COL2A1: variants seen among roughly 807,000 people sequenced by gnomAD.
COL2A1 encodes the protein collagen alpha-1(II) chain.
Under a neutral mutation model 204.5 loss-of-function variants are expected in COL2A1, and 28 were observed. The ratio of observed to expected loss-of-function variants is 0.14; its 90% CI spans 0.10 to 0.19. COL2A1 has a LOEUF of 0.19. COL2A1 is among the 10% of genes least tolerant of loss of function. COL2A1 has a pLI of 1.00. For synonymous variants in COL2A1, 708 were observed against 718.7 expected, an observed-to-expected ratio of 0.99 and a Z score of 0.24; for missense variants, 1,388 against 2,027.5, an observed-to-expected ratio of 0.68 and a Z score of 6.06.
chr12:48,004,156 A>G (rs1453636844), intron 1 of COL2A1, 81 bp downstream of exon 1: 2 of 1,120,354 alleles, frequency 1.8e-6, no homozygotes, highest in Admixed American at 2.0e-5. Context: ...CGCGGGCTCC[A>G]GAGCTGGAGC....
chr12:47,989,789 T>C lies in COL2A1; in HGVS notation c.1040A>G (p.Asp347Gly). The C allele has an allele frequency of 6.2e-7, 1 of 1,613,420 alleles. No individual in the cohort carries two copies. Among genetic ancestry groups the C allele is most frequent in the Non-Finnish European group, 8.5e-7 (1 of 1,179,970 alleles). Residue 347 changes from aspartate (D) to glycine (G), a missense_variant, in exon 17 of 54, where the codon GAT becomes GGT. This residue lies in a region of COL2A1 where 884 missense variants were observed against 1,415.8 expected (regional missense o/e 0.62). Coordinates refer to ENST00000380518, the MANE Select transcript of COL2A1 (RefSeq NM_001844.5). Reference sequence around the variant, plus strand: ...AGGCCCTGCGGGGCCTGGCTGACCATCGTTGCCTCGGGCACCCTGTGAGCA... The same window carrying C: ...AGGCCCTGCGGGGCCTGGCTGACCACCGTTGCCTCGGGCACCCTGTGAGCA... ...PAGAAGARGN[D>G]GQPGPAGPPG...
rs182269647 is a variant in COL2A1, at chr12:47,995,635, G to C, written c.708+75C>G. The C allele has an allele frequency of 5.7e-5, 80 of 1,412,262 alleles. No homozygotes were observed. The Admixed American group carries it at 8.0e-4, about 14-fold the overall frequency. 87.5% of individuals were successfully genotyped at this position (1,412,262 alleles called of 1,614,324 possible). On this transcript the variant is annotated intron_variant, in intron 10 of 53. Coordinates refer to ENST00000380518, the MANE Select transcript of COL2A1 (RefSeq NM_001844.5). ...AAAGAGCTGGGCAGAGCCTGGGAGGGACAGCAGCTGCGGTCCTAGTGGTCT... is the reference window on the plus strand; with the variant it reads ...AAAGAGCTGGGCAGAGCCTGGGAGGCACAGCAGCTGCGGTCCTAGTGGTCT...
rs925663714 is a variant in COL2A1 at position 47,977,089 on chromosome 12, C to T, written c.3327+13G>A. On this transcript the variant is annotated intron_variant, in intron 47 of 53. Transcript: ENST00000380518. ...CCTGGTGGGGACTCAGTGCAGGACA[C>T]TTGGATACTCACCTGGATTCCCCGG... 1 of 1,602,144 alleles carries T rather than the reference C, an allele frequency of 6.2e-7. No individual in the cohort carries two copies. The highest frequency in any genetic ancestry group is 8.5e-7 in the Non-Finnish European group (1 of 1,175,278).
In COL2A1 at chr12:47,978,521, C is replaced by A; in HGVS notation, c.2895+76G>T. On this transcript the variant is annotated intron_variant, in intron 42 of 53. Transcript: ENST00000380518. This position sits in a 1 kb window ranked among gnomAD's most constrained non-coding sequence, Gnocchi z 5.5. The stretch of plus-strand genomic sequence containing the variant: ...CCCACGGCCCCTGCTCCCTCCTACC[C>A]CATGCTCTGTGAGCTCAGAAGCCAC... The A allele has an allele frequency of 6.3e-7, 1 of 1,597,414 alleles. No homozygotes were observed. The highest frequency in any genetic ancestry group is 2.3e-5 in the East Asian group (1 of 44,200).
intron 1 of COL2A1, among the ~76,000 whole-genome samples, chr12:48,002,100 C>T (rs1187501926): frequency 2.0e-5 from 3 of 152,088 alleles, no homozygotes; most frequent in Admixed American, 6.5e-5. Context: ...GCACACAGAG[C>T]CCGATTCACA....
intron 11 of COL2A1, 52 bp from the exon 12 acceptor site, chr12:47,994,529 G>A: frequency 6.2e-7 from 1 of 1,601,052 alleles, no homozygotes; most frequent in Non-Finnish European, 8.5e-7. Flanking sequence ...CAGTAGCATA[G>A]TGGGGGCACC....
rs1292156036 is a variant in COL2A1, at chr12:47,999,970, G to A, written c.241C>T (p.Pro81Ser). 1.2e-6 allele frequency: 2 copies of A among 1,614,206 alleles called. No individual in the cohort carries two copies. Among genetic ancestry groups the A allele is most frequent in the Admixed American group, 1.7e-5 (1 of 60,022 alleles). ...DVKDCLSPEIPFGECCPICPT... is the reference protein window; with the variant it reads ...DVKDCLSPEISFGECCPICPT... The stretch of plus-strand genomic sequence containing the variant: ...CAGATGGGGCAGCACTCTCCGAAGG[G>A]GATCTCAGGGCTGAGGCAGTCTTTC... Residue 81 changes from proline (P) to serine (S), a missense_variant, in exon 2 of 54, where the codon CCC becomes TCC. Coordinates refer to ENST00000380518, the MANE Select transcript of COL2A1 (RefSeq NM_001844.5).
intron 16 of COL2A1, among the ~76,000 whole-genome samples, chr12:47,991,510 G>A (rs1289893309): frequency 6.6e-6 from 1 of 152,212 alleles, no homozygotes; most frequent in Non-Finnish European, 1.5e-5. Context: ...ATACCACAGA[G>A]CAGAGGCCTC....
intron 30 of COL2A1, 89 bp downstream of exon 30, chr12:47,983,594 T>G (rs1296340169): frequency 9.5e-6 from 14 of 1,477,126 alleles, no homozygotes; most frequent in Non-Finnish European, 1.3e-5. Flanking sequence ...GCAAGAGGTG[T>G]GGGCCCTCCA....
chr12:47,997,821 G>A (rs770966281), intron 6 of COL2A1, 50 bp downstream of exon 6: 2 of 1,612,708 alleles, frequency 1.2e-6, no homozygotes, highest in African/African-American at 2.7e-5. Flanking sequence ...GTGGGGCCTT[G>A]GGGGACCTGG....
At chr12:47,977,918 C>G (rs749864741) in intron 44 of COL2A1, 92 bp downstream of exon 44, 23 of 1,248,386 alleles carry the variant, frequency 1.8e-5, no homozygotes, top group Non-Finnish European at 4.6e-6. Flanking sequence ...TCTCCAGGGC[C>G]CTGACTGGGA....
chr12:47,983,896 C>G, intron 29 of COL2A1, 160 bp from the exon 30 acceptor site: 2 of 928,264 alleles, frequency 2.2e-6, no homozygotes, highest in Non-Finnish European at 3.4e-6. Flanking sequence ...CATCAGCCAC[C>G]CACACTCCTC....
chr12:48,003,052 C>T (rs189409519), intron 1 of COL2A1: 1 of 152,344 alleles, frequency 6.6e-6, no homozygotes, highest in African/African-American at 2.4e-5. Context: ...CTGTAACATA[C>T]AAAGACAGGG....
At position 47,975,394 on chromosome 12, in the gene COL2A1, C is replaced by T. The variant is rs771631501; in HGVS notation, c.3809G>A (p.Arg1270His). 8.1e-6 allele frequency: 13 copies of T among 1,614,072 alleles called. No individual in the cohort carries two copies. Among genetic ancestry groups the T allele is most frequent in the Middle Eastern group, 1.6e-4 (1 of 6,082 alleles). ...KSLNNQIESI[R>H]SPEGSRKNPA... The stretch of plus-strand genomic sequence containing the variant: ...GTTCTTGCGGGAGCCCTCGGGGCTG[C>T]GGATGCTCTCAATCTGGTTGTTGAG... The change falls in exon 51 of 54, where the codon CGC (arginine) becomes CAC (histidine). Residue 1270 changes from arginine (R) to histidine (H), a missense_variant. Physicochemically the swap from Arg to His is conservative, Grantham distance 29 (BLOSUM62 0). Transcript: ENST00000380518.
At chr12:47,990,518 A>T (rs1183434004) in intron 16 of COL2A1, among the ~76,000 whole-genome samples, 1 of 152,174 alleles carries the variant, frequency 6.6e-6, no homozygotes, top group Non-Finnish European at 1.5e-5. Flanking sequence ...CTCTGTGGTT[A>T]AGGCTTGGTT....
At chr12:47,981,485 G>T in intron 36 of COL2A1, 89 bp from the exon 37 acceptor site, 1 of 1,204,176 alleles carries the variant, frequency 8.3e-7, no homozygotes, top group Non-Finnish European at 1.2e-6. Flanking sequence ...GGCCTTGCTC[G>T]TGGGAAGGGG....
chr12:47,989,957 G>A lies in COL2A1; in HGVS notation c.1024-152C>T, dbSNP rs190065499. The A allele has an allele frequency of 1.7e-4, 122 of 734,260 alleles. No individual in the cohort carries two copies. The African/African-American group carries it at 1.9e-3, about 11-fold the overall frequency. The allele number at this position is 734,260 out of a possible 1,614,324, so 45.5% of individuals were successfully genotyped here. On this transcript the variant is annotated intron_variant, in intron 16 of 53. Coordinates refer to ENST00000380518, the MANE Select transcript of COL2A1 (RefSeq NM_001844.5). ...TGGCGAGGTGTGGGCTGCAGTTTTG[G>A]TGTCTGTGCGAGTGGGTGGCCAGAA...
Position 47,993,451 on chromosome 12 carries a change from T to C in COL2A1, c.969+7A>G. ...GATAAACCTTCCTGGAGGGTGTCCA[T>C]ACTTACCATTGGGCCCGGAGATCCG... On this transcript the variant is annotated splice_region_variant and intron_variant, in intron 15 of 53. Coordinates refer to ENST00000380518, the MANE Select transcript of COL2A1 (RefSeq NM_001844.5). 6.2e-7 allele frequency: 1 copy of C among 1,609,508 alleles called. No homozygotes were observed. The highest frequency in any genetic ancestry group is 8.5e-7 in the Non-Finnish European group (1 of 1,175,790).
rs1939126561 is a variant in COL2A1, at chr12:47,982,137, A to G, written c.2325T>C (p.Pro775=). 1 of 1,614,024 alleles carries G rather than the reference A, an allele frequency of 6.2e-7. No individual in the cohort carries two copies. Among genetic ancestry groups the G allele is most frequent in the Non-Finnish European group, 8.5e-7 (1 of 1,179,922 alleles). The stretch of plus-strand genomic sequence containing the variant: ...CACCATCCTTTCCAGGGGCTCCCTC[A>G]GGGCCTTTCTCACCAACGTCACCCT... ...GDRGDVGEKG[P]EGAPGKDGGR... Residue 775 remains proline, a synonymous_variant, in exon 35 of 54, where the codon CCT becomes CCC. Coordinates refer to ENST00000380518, the MANE Select transcript of COL2A1 (RefSeq NM_001844.5).
Sources: gnomAD v4.1 joint callset for allele counts (sites outside exome capture counted in the v4.1 genomes callset) on GRCh38, gnomAD v4.1.1 for gene constraint, gnomAD v4.1.1 regional missense constraint, Gnocchi (gnomAD v3.1) non-coding constraint, MANE v1.5 for transcripts, NCBI Gene and HGNC (gene_info 2026-07-23, HGNC 2026-07-21) for gene names.